The following ASCC2 variants were observed in gnomAD, a reference collection of about 807,000 sequenced individuals.
The protein encoded by ASCC2 is activating signal cointegrator 1 complex subunit 2.
ASCC2 carries 42 observed loss-of-function variants against 93.5 expected under a neutral mutation model. The ratio of observed to expected loss-of-function variants is 0.45; its 90% CI spans 0.35 to 0.58. ASCC2 has a LOEUF of 0.58. Among genes scored for constraint, ASCC2 ranks in the 20% least tolerant of loss-of-function variants. The pLI is 0.00. For missense variants in ASCC2, 859 were observed against 977.6 expected (o/e 0.88, Z 1.62); for synonymous variants, 364 against 384.2 (o/e 0.95, Z 0.62).
At chr22:29,799,775 C>T (rs780596113) in intron 15 of ASCC2, among the ~76,000 whole-genome samples, 2 of 152,176 alleles carry the variant, frequency 1.3e-5, no homozygotes, top group South Asian at 2.1e-4. Flanking sequence ...ATCATTCCAA[C>T]GCTGGGTGAA....
chr22:29,828,714 T>C (rs2062754195), intron 2 of ASCC2, among the ~76,000 whole-genome samples: 1 of 152,130 alleles, frequency 6.6e-6, no homozygotes, highest in African/African-American at 2.4e-5. Context: ...GCATTAAAAG[T>C]GCTTTCAGAT....
intron 7 of ASCC2, 131 bp downstream of exon 7, chr22:29,814,526 G>T: frequency 1.5e-6 from 1 of 645,218 alleles, no homozygotes; most frequent in Non-Finnish European, 2.6e-6. Context: ...TCACTGTGCT[G>T]GAGGAAGGGG....
At chr22:29,800,888 T>C (rs2059000712) in intron 15 of ASCC2, 103 bp downstream of exon 15, 3 of 1,410,826 alleles carry the variant, frequency 2.1e-6, no homozygotes, top group South Asian at 1.4e-5. Context: ...CCTGTGCTGA[T>C]ACTCCATGGC....
chr22:29,837,888 C>A (rs188505009), intron 1 of ASCC2, among the ~76,000 whole-genome samples: 94 of 152,342 alleles, frequency 6.2e-4, no homozygotes, highest in African/African-American at 2.1e-3. Context: ...AAGCACTCCA[C>A]AAATATTTGC....
intron 18 of ASCC2, among the ~76,000 whole-genome samples, chr22:29,791,909 A>G (rs539975523): frequency 6.6e-6 from 1 of 152,274 alleles, no homozygotes; most frequent in South Asian, 2.1e-4. Context: ...CCCCAGAAAC[A>G]TCTGAATTTG....
intron 13 of ASCC2, 26 bp downstream of exon 13, chr22:29,804,611 AG>A (rs767298058): frequency 6.2e-7 from 1 of 1,606,382 alleles, no homozygotes; most frequent in African/African-American, 1.3e-5. Flanking sequence ...ACAAGCGAAG[AG>A]GGAAAAGCGC....
At chr22:29,805,965 G>C (rs1371932580) in intron 12 of ASCC2, among the ~76,000 whole-genome samples, 1 of 151,822 alleles carries the variant, frequency 6.6e-6, no homozygotes, top group Non-Finnish European at 1.5e-5. Context: ...GTCCATCTTG[G>C]TCACATAGGC....
intron 8 of ASCC2, among the ~76,000 whole-genome samples, chr22:29,809,558 T>C (rs961842229): frequency 1.3e-5 from 2 of 152,000 alleles, no homozygotes; most frequent in Admixed American, 1.3e-4. Context: ...GGTGGGCAGA[T>C]CACTTGAGGT....
At chr22:29,797,806 C>A (rs959662468) in intron 15 of ASCC2, among the ~76,000 whole-genome samples, 11 of 152,154 alleles carry the variant, frequency 7.2e-5, no homozygotes, top group African/African-American at 2.7e-4. Flanking sequence ...ACTCTTGTTG[C>A]CCAGGATGGC....
intron 17 of ASCC2, 105 bp downstream of exon 17, chr22:29,793,255 G>A: frequency 1.3e-6 from 2 of 1,506,282 alleles, no homozygotes; most frequent in Non-Finnish European, 1.8e-6. Context: ...GGAGGACTGG[G>A]TTTGGGCCCT....
chr22:29,790,849 G>C (rs1010597245), intron 18 of ASCC2, among the ~76,000 whole-genome samples: 1 of 152,220 alleles, frequency 6.6e-6, no homozygotes, highest in Non-Finnish European at 1.5e-5. Flanking sequence ...AAATGGGAGT[G>C]GTGGGGAAGC....
rs201812973 is a variant in ASCC2, at chr22:29,804,620, C to A, written c.1353+18G>T. On this transcript the variant is annotated intron_variant, in intron 13 of 19. Transcript: ENST00000307790. ...GGAGGGACAAGCGAAGAGGGAAAAG[C>A]GCCACTCAGACACATACCTCCTCTT... 2 of 1,609,720 alleles carry A rather than the reference C, an allele frequency of 1.2e-6. No individual in the cohort carries two copies. Among genetic ancestry groups the A allele is most frequent in the Non-Finnish European group, 1.7e-6 (2 of 1,176,966 alleles).
chr22:29,825,890 A>G lies in ASCC2; in HGVS notation c.82-110T>C. Reference sequence around the variant, plus strand: ...GGCTGTTCCAACCGGTGACCCTCCAAGGAGCTTTTAAGCATAAAGAACCAA... The same window carrying G: ...GGCTGTTCCAACCGGTGACCCTCCAGGGAGCTTTTAAGCATAAAGAACCAA... On this transcript the variant is annotated intron_variant, in intron 2 of 19. Transcript: ENST00000307790. The surrounding 1 kb of genome is among the most constrained non-coding windows in gnomAD (Gnocchi z 4.9). 7.5e-7 allele frequency: 1 copy of G among 1,333,256 alleles called. No individual in the cohort carries two copies. Among genetic ancestry groups the G allele is most frequent in the Non-Finnish European group, 1.0e-6 (1 of 968,450 alleles). The allele number at this position is 1,333,256 out of a possible 1,614,324, so 82.6% of individuals were successfully genotyped here. A position where few individuals can be genotyped will look rare whatever the true frequency, so the allele number is the denominator to read the frequency against.
Position 29,792,438 on chromosome 22 carries a change from G to T in ASCC2, c.2017C>A (p.Pro673Thr). 1 of 1,613,936 alleles carries T rather than the reference G, an allele frequency of 6.2e-7. No individual in the cohort carries two copies. The highest frequency in any genetic ancestry group is 8.5e-7 in the Non-Finnish European group (1 of 1,179,892). ...DEEDDADEEAPKPDHFVQDPA... is the reference protein window; with the variant it reads ...DEEDDADEEATKPDHFVQDPA... Reference sequence around the variant, plus strand: ...GCTACCTGCCAGGGAGGTACCTTGGGAGCCTCCTCGTCAGCATCGTCTTCC... The same window carrying T: ...GCTACCTGCCAGGGAGGTACCTTGGTAGCCTCCTCGTCAGCATCGTCTTCC... The change falls in exon 18 of 20, where the codon CCC (proline) becomes ACC (threonine). Residue 673 changes from proline to threonine, a missense_variant. Pro to Thr is a conservative substitution (Grantham distance 38). Transcript: ENST00000307790.
At chr22:29,822,510 C>G (rs766503260) in intron 4 of ASCC2, 46 bp from the exon 5 acceptor site, 1 of 1,603,428 alleles carries the variant, frequency 6.2e-7, no homozygotes, top group African/African-American at 1.3e-5. Context: ...TCTGAACACT[C>G]CTACATTATA....
chr22:29,823,686 A>G (rs1218507083), intron 4 of ASCC2, among the ~76,000 whole-genome samples: 2 of 152,142 alleles, frequency 1.3e-5, no homozygotes, highest in Non-Finnish European at 2.9e-5. Context: ...CATTTCTACT[A>G]AAAATACAAA....
At position 29,801,025 on chromosome 22, in the gene ASCC2, A is replaced by C. The variant is rs772558136; in HGVS notation, c.1654T>G (p.Ser552Ala). 7 of 1,602,862 alleles carry C rather than the reference A, an allele frequency of 4.4e-6. No homozygotes were observed. Among genetic ancestry groups the C allele is most frequent in the Non-Finnish European group, 6.0e-6 (7 of 1,171,486 alleles). Reference protein sequence around the residue: ...NDEFDVFSRDSVDLSRVHKGK... With the variant: ...NDEFDVFSRDAVDLSRVHKGK... ...TTGTGCACCCGGCTCAGGTCTACTG[A>C]GTCCCTGCTGAACACATCAAACTCG... is the stretch of plus-strand genomic sequence containing the variant. The change falls in exon 15 of 20, where the codon TCA becomes GCA. Residue 552 changes from serine (S) to alanine (A), a missense_variant. Transcript: ENST00000307790.
intron 15 of ASCC2, among the ~76,000 whole-genome samples, chr22:29,796,206 T>G (rs2058416052): frequency 6.6e-6 from 1 of 152,094 alleles, no homozygotes; most frequent in Non-Finnish European, 1.5e-5. Context: ...CCAGCCGGGT[T>G]CAAGCGATTC....
intron 1 of ASCC2, among the ~76,000 whole-genome samples, chr22:29,835,381 G>A (rs1218130566): frequency 6.6e-6 from 1 of 151,100 alleles, no homozygotes. Context: ...CTAGGTGACA[G>A]AGCAAGACCC....
Sources: gnomAD v4.1 joint callset for allele counts (sites outside exome capture counted in the v4.1 genomes callset) on GRCh38, gnomAD v4.1.1 for gene constraint, Gnocchi (gnomAD v3.1) non-coding constraint, MANE v1.5 for transcripts, NCBI Gene and HGNC (gene_info 2026-07-23, HGNC 2026-07-21) for gene names.